Variants in TJP1 observed in about 807,000 individuals in gnomAD.
The protein encoded by TJP1 is tight junction protein ZO-1.
In TJP1, 43 loss-of-function variants were observed where a neutral mutation model predicts 194.2. That is an observed-to-expected ratio of 0.22 (90% CI 0.17 to 0.29). The LOEUF (loss-of-function observed/expected upper bound fraction) is 0.29. TJP1 is among the 10% of genes least tolerant of loss of function. TJP1 has a pLI of 1.00. For missense variants in TJP1, 1,971 were observed against 2,185.7 expected, an observed-to-expected ratio of 0.90 and a Z score of 1.96; for synonymous variants, 801 against 779.0, an observed-to-expected ratio of 1.03 and a Z score of -0.47.
chr15:29,732,917 T>C, intron 13 of TJP1, 102 bp from the exon 14 acceptor site: 1 of 1,296,398 alleles, frequency 7.7e-7, no homozygotes, highest in Non-Finnish European at 1.0e-6. Context: ...GAAGTTCACA[T>C]ACAGTTTAAA....
At chr15:29,704,434 G>C (rs982374869) in intron 26 of TJP1, 129 bp from the exon 27 acceptor site, 6 of 1,085,054 alleles carry the variant, frequency 5.5e-6, no homozygotes, top group Non-Finnish European at 7.3e-6. Context: ...CAGTCGCACT[G>C]ACCACAAAAA....
chr15:29,782,848 AC>A (rs2047449782), intron 2 of TJP1, among the ~76,000 whole-genome samples: 6 of 52,128 alleles, frequency 1.2e-4, no homozygotes, highest in African/African-American at 2.4e-4. Context: ...AAGAAAAAAA[AC>A]AACCCCCATT....
intron 2 of TJP1, among the ~76,000 whole-genome samples, chr15:29,942,688 G>A (rs991490071): frequency 4.6e-5 from 7 of 152,164 alleles, no homozygotes; most frequent in African/African-American, 1.2e-4. Flanking sequence ...ACCACACAGC[G>A]GTGCGTACCT....
intron 2 of TJP1, among the ~76,000 whole-genome samples, chr15:29,842,970 T>C (rs978051594): frequency 6.6e-6 from 1 of 152,138 alleles, no homozygotes; most frequent in African/African-American, 2.4e-5. Context: ...CCAATAAAAA[T>C]GGGATAATCA....
At chr15:29,707,936 G>A (rs2041999392) in intron 25 of TJP1, among the ~76,000 whole-genome samples, 1 of 152,126 alleles carries the variant, frequency 6.6e-6, no homozygotes, top group South Asian at 2.1e-4. Context: ...AGTGGCTCAC[G>A]CCTGTAATCC....
In TJP1 at chr15:29,732,121, A is replaced by G. The variant is rs578039015; in HGVS notation, c.2017+312T>C. 1.6e-5 allele frequency: 4 copies of G among 256,696 alleles called. No individual in the cohort carries two copies. In the Admixed American group the frequency reaches 2.0e-4, roughly 13 times the overall value. The allele number at this position is 256,696 out of a possible 1,614,324, so 15.9% of individuals were successfully genotyped here. A position where few individuals can be genotyped will look rare whatever the true frequency, so the allele number is the denominator to read the frequency against. On this transcript the variant is annotated intron_variant, in intron 15 of 27. Coordinates refer to ENST00000614355, the MANE Select transcript of TJP1 (RefSeq NM_001330239.4). ...TCCACGCAATGACCATCCAAGTCTC[A>G]GGCTACTCAACTGTAACATGGATAT...
At chr15:29,953,825 G>A (rs1386057033) in intron 2 of TJP1, among the ~76,000 whole-genome samples, 2 of 152,130 alleles carry the variant, frequency 1.3e-5, no homozygotes, top group African/African-American at 4.8e-5. Context: ...CATTGCTGAG[G>A]AATGAAATGT....
rs750410806 is a variant in TJP1, at chr15:29,799,910, A to C, written c.84+736T>G. Among the ~76,000 whole-genome samples, 7 of 152,312 alleles carry C rather than the reference A, an allele frequency of 4.6e-5. 1 individual carries two copies. Among genetic ancestry groups the C allele is most frequent in the South Asian group, 2.1e-4 (1 of 4,822 alleles). The stretch of plus-strand genomic sequence containing the variant: ...ATTTAAATATTCTCTCTTTCCATAC[A>C]TTCTCTAAGAAAGGGAGTAATCAGT... On this transcript the variant is annotated intron_variant, in intron 2 of 27. Coordinates refer to ENST00000614355, the MANE Select transcript of TJP1 (RefSeq NM_001330239.4).
chr15:29,884,523 A>G (rs2053048489), intron 2 of TJP1, among the ~76,000 whole-genome samples: 1 of 152,222 alleles, frequency 6.6e-6, no homozygotes, highest in South Asian at 2.1e-4. Flanking sequence ...AGGTAGGCAG[A>G]ACTTCATCCA....
At chr15:29,733,396 G>A in intron 12 of TJP1, 83 bp from the exon 13 acceptor site, 2 of 931,160 alleles carry the variant, frequency 2.1e-6, no homozygotes, top group Non-Finnish European at 3.2e-6. Flanking sequence ...AAGATGCTAT[G>A]ATAATATCAA....
At chr15:29,926,954 A>T (rs1218997337) in intron 2 of TJP1, among the ~76,000 whole-genome samples, 3 of 151,894 alleles carry the variant, frequency 2.0e-5, no homozygotes, top group Non-Finnish European at 2.9e-5. Context: ...ACAGAAATTT[A>T]AAAAAACTCT....
intron 2 of TJP1, among the ~76,000 whole-genome samples, chr15:29,779,006 T>A (rs1025332660): frequency 3.9e-5 from 6 of 152,204 alleles, no homozygotes; most frequent in African/African-American, 1.4e-4. Flanking sequence ...CCTGTCTTTT[T>A]CATCGCTTAC....
rs541359923 is a variant in TJP1, at chr15:29,795,932, C to T, written c.84+4714G>A. The stretch of plus-strand genomic sequence containing the variant: ...AGTCATACACACACAAAAAAAAGCA[C>T]TGACAAAAATTCAACTTTCATTCAT... On this transcript the variant is annotated intron_variant, in intron 2 of 27. Coordinates refer to ENST00000614355, the MANE Select transcript of TJP1 (RefSeq NM_001330239.4). Among the ~76,000 whole-genome samples the T allele has an allele frequency of 2.0e-5, 3 of 152,172 alleles. No homozygotes were observed. In the East Asian group the frequency reaches 5.8e-4, roughly 29 times the overall value.
chr15:29,793,675 C>T (rs1244883539), intron 2 of TJP1, among the ~76,000 whole-genome samples: 1 of 152,108 alleles, frequency 6.6e-6, no homozygotes, highest in African/African-American at 2.4e-5. Flanking sequence ...TATATAGTAG[C>T]AAGGGGAGAT....
chr15:29,815,700 T>G (rs2049864064), intron 1 of TJP1, among the ~76,000 whole-genome samples: 1 of 152,236 alleles, frequency 6.6e-6, no homozygotes, highest in Non-Finnish European at 1.5e-5. Flanking sequence ...GTAACAGGAT[T>G]ACGTCTTCAA....
intron 22 of TJP1, among the ~76,000 whole-genome samples, chr15:29,717,788 A>G (rs1295893589): frequency 6.6e-6 from 1 of 152,226 alleles, no homozygotes; most frequent in East Asian, 1.9e-4. Flanking sequence ...CTTGGAGAAT[A>G]TCTTTCCGAA....
At chr15:29,907,061 T>C (rs1457280596) in intron 2 of TJP1, among the ~76,000 whole-genome samples, 1 of 152,202 alleles carries the variant, frequency 6.6e-6, no homozygotes, top group African/African-American at 2.4e-5. Context: ...GAGTTCATTA[T>C]ATTATTCTTG....
chr15:29,703,533 A>C (rs1224903053), intron 27 of TJP1, among the ~76,000 whole-genome samples: 1 of 152,248 alleles, frequency 6.6e-6, no homozygotes, highest in Non-Finnish European at 1.5e-5. Context: ...CATTTTAATA[A>C]GGTAAAAATG....
intron 2 of TJP1, among the ~76,000 whole-genome samples, chr15:29,793,082 A>G (rs1352801736): frequency 1.3e-5 from 2 of 152,130 alleles, no homozygotes; most frequent in Admixed American, 6.5e-5. Context: ...TTTCCTTCCA[A>G]TTTGGATGCC....
Sources: allele counts gnomAD v4.1 joint callset (sites outside exome capture counted in the v4.1 genomes callset), GRCh38; gene constraint gnomAD v4.1.1; transcripts MANE v1.5; gene names NCBI Gene and HGNC (gene_info 2026-07-23, HGNC 2026-07-21).